The following FBXL17 variants were observed in gnomAD, a reference collection of about 807,000 sequenced individuals.
FBXL17 encodes F-box and leucine rich repeat protein 17, also known as F-box/LRR-repeat protein 17.
FBXL17 carries 22 observed loss-of-function variants against 66.2 expected under a neutral mutation model. The ratio of observed to expected loss-of-function variants is 0.33; its 90% CI spans 0.24 to 0.47. The LOEUF (loss-of-function observed/expected upper bound fraction) is 0.47, where lower values mean the gene tolerates loss of function less well. FBXL17 is among the 20% of genes least tolerant of loss of function. The pLI, the probability that FBXL17 is intolerant of heterozygous loss-of-function variation, is 1.00. For missense variants in FBXL17, 878 were observed against 948.2 expected, an observed-to-expected ratio of 0.93 and a Z score of 0.97; for synonymous variants, 474 against 400.5, an observed-to-expected ratio of 1.18 and a Z score of -2.19.
chr5:108,325,676 A>G (rs572373389), intron 4 of FBXL17, among the ~76,000 whole-genome samples: 1 of 152,268 alleles, frequency 6.6e-6, no homozygotes, highest in East Asian at 1.9e-4. Flanking sequence ...TAAATACCCT[A>G]TTTGTCTGGA....
intron 3 of FBXL17, among the ~76,000 whole-genome samples, chr5:108,350,009 C>T (rs1467549514): frequency 6.6e-6 from 1 of 152,082 alleles, no homozygotes; most frequent in Admixed American, 6.5e-5. Context: ...AAATATTTTT[C>T]ATTAGTAGTC....
Position 107,893,619 on chromosome 5 carries a change from G to T in FBXL17, c.1823-12440C>A, listed in dbSNP as rs532470386. On this transcript the variant is annotated intron_variant, in intron 7 of 8. Coordinates refer to ENST00000542267, the MANE Select transcript of FBXL17 (RefSeq NM_001163315.3). The stretch of plus-strand genomic sequence containing the variant: ...AACCAACAATATTCTGATTCCAGTG[G>T]GTTTGGGGATAAATGCTGTCTTCTT... Among the ~76,000 whole-genome samples, 26 of 152,160 alleles carry T rather than the reference G, an allele frequency of 1.7e-4. 1 individual carries two copies. Among genetic ancestry groups the T allele is most frequent in the South Asian group, 8.3e-4 (4 of 4,798 alleles).
chr5:108,127,581 G>C (rs1750771912), intron 6 of FBXL17, among the ~76,000 whole-genome samples: 1 of 152,066 alleles, frequency 6.6e-6, no homozygotes, highest in African/African-American at 2.4e-5. Context: ...TGAGAAAAGA[G>C]AGTGCTTAGG....
chr5:108,215,717 A>G (rs533931220), intron 5 of FBXL17, among the ~76,000 whole-genome samples: 14 of 152,080 alleles, frequency 9.2e-5, no homozygotes, highest in Admixed American at 2.6e-4. Context: ...AGTACAATTT[A>G]CCTTTTTTTT....
intron 6 of FBXL17, among the ~76,000 whole-genome samples, chr5:108,109,035 G>A (rs1402376315): frequency 2.0e-5 from 3 of 151,956 alleles, no homozygotes; most frequent in Non-Finnish European, 2.9e-5. Flanking sequence ...CGCCCACCTC[G>A]GCCTCCCAAA....
chr5:108,321,360 GA>G (rs1759610508), intron 4 of FBXL17, among the ~76,000 whole-genome samples: 1 of 151,724 alleles, frequency 6.6e-6, no homozygotes, highest in Admixed American at 6.6e-5. Context: ...GAAGAGTAGA[GA>G]AAACGACTTC....
intron 6 of FBXL17, among the ~76,000 whole-genome samples, chr5:108,064,306 T>C (rs187839830): frequency 5.1e-4 from 77 of 152,322 alleles, no homozygotes; most frequent in African/African-American, 1.8e-3. Flanking sequence ...CAATTTGTAA[T>C]GTAGATAATG....
At chr5:108,099,469 T>C (rs1454507424) in intron 6 of FBXL17, among the ~76,000 whole-genome samples, 1 of 152,166 alleles carries the variant, frequency 6.6e-6, no homozygotes, top group Admixed American at 6.5e-5. Flanking sequence ...ACTTAGATAT[T>C]GATTTATAGA....
chr5:108,112,983 T>C (rs2149955086), intron 6 of FBXL17, among the ~76,000 whole-genome samples: 1 of 152,328 alleles, frequency 6.6e-6, no homozygotes, highest in East Asian at 1.9e-4. Context: ...TTAATCTTTC[T>C]AATATTCTTC....
intron 7 of FBXL17, among the ~76,000 whole-genome samples, chr5:107,948,554 C>T (rs1299087344): frequency 6.6e-6 from 1 of 152,170 alleles, no homozygotes; most frequent in African/African-American, 2.4e-5. Context: ...GGCTATTCTC[C>T]AATCTCCTCT....
intron 4 of FBXL17, among the ~76,000 whole-genome samples, chr5:108,312,333 A>G (rs1253421392): frequency 4.6e-5 from 7 of 152,154 alleles, no homozygotes; most frequent in Non-Finnish European, 8.8e-5. Flanking sequence ...TTCCATGTAG[A>G]AAGCAATTTC....
chr5:108,369,302 T>TC (rs1310498783), intron 1 of FBXL17, among the ~76,000 whole-genome samples: 1 of 152,162 alleles, frequency 6.6e-6, no homozygotes, highest in Non-Finnish European at 1.5e-5. Flanking sequence ...AGCCCTGACT[T>TC]CGAGTCTGTC....
chr5:108,148,628 T>C (rs1361149914), intron 6 of FBXL17, among the ~76,000 whole-genome samples: 3 of 152,202 alleles, frequency 2.0e-5, no homozygotes, highest in Non-Finnish European at 4.4e-5. Context: ...CAAAACGTAA[T>C]TATATAGAAT....
chr5:108,168,923 G>A (rs1271302003), intron 6 of FBXL17, among the ~76,000 whole-genome samples: 1 of 152,204 alleles, frequency 6.6e-6, no homozygotes, highest in Non-Finnish European at 1.5e-5. Flanking sequence ...ACTGGGGAAA[G>A]AATCAGGAGT....
chr5:108,378,765 A>G (rs1749628879), intron 1 of FBXL17, among the ~76,000 whole-genome samples: 1 of 152,246 alleles, frequency 6.6e-6, no homozygotes, highest in South Asian at 2.1e-4. Flanking sequence ...ACTGAGCGCT[A>G]CTATATGCCA....
rs200271300 is a variant in FBXL17 at position 108,298,694 on chromosome 5, TAAATA to T, written c.1506+49700_1506+49704del. 3,734 of 784,632 alleles carry T rather than the reference TAAATA, an allele frequency of 4.8e-3. 103 individuals are homozygous for T. In the African/African-American group the frequency reaches 0.061, roughly 13 times the overall value. The allele number at this position is 784,632 out of a possible 1,614,324, so 48.6% of individuals were successfully genotyped here. On this transcript the variant is annotated intron_variant, in intron 4 of 8. Transcript: ENST00000542267. ...ATACTATCTTCCTCATACAGAATAT[TAAATA>T]AAAGTATCAAAGTCTTATAATTCCT...
intron 6 of FBXL17, among the ~76,000 whole-genome samples, chr5:108,119,834 A>G (rs1200502493): frequency 6.6e-6 from 1 of 152,204 alleles, no homozygotes; most frequent in African/African-American, 2.4e-5. Context: ...AATTTAGTAA[A>G]GATTAACCTG....
chr5:108,109,560 C>T (rs977907815), intron 6 of FBXL17, among the ~76,000 whole-genome samples: 11 of 152,014 alleles, frequency 7.2e-5, no homozygotes, highest in Admixed American at 5.9e-4. Context: ...TTATGAAAGC[C>T]CCTATGTCAC....
At chr5:108,294,326 CA>C (rs1758257555) in intron 4 of FBXL17, among the ~76,000 whole-genome samples, 1 of 147,910 alleles carries the variant, frequency 6.8e-6, no homozygotes, top group African/African-American at 2.5e-5. Context: ...CAGTAGTGTT[CA>C]AAATACAGGC....
Sources: gnomAD v4.1 joint callset for allele counts (sites outside exome capture counted in the v4.1 genomes callset) on GRCh38, gnomAD v4.1.1 for gene constraint, MANE v1.5 for transcripts, NCBI Gene and HGNC (gene_info 2026-07-23, HGNC 2026-07-21) for gene names.